Variants in FHIT observed in about 807,000 individuals in gnomAD.
The protein encoded by FHIT is fragile histidine triad diadenosine triphosphatase.
Under a neutral mutation model 17.9 loss-of-function variants are expected in FHIT, and 19 were observed. That is an observed-to-expected ratio of 1.06 (90% confidence interval 0.74 to 1.56). The LOEUF (loss-of-function observed/expected upper bound fraction) is 1.56, where lower values mean the gene tolerates loss of function less well. Ranked by LOEUF, FHIT falls within the 40% of genes most tolerant of loss-of-function variation. The pLI, the probability that FHIT is intolerant of heterozygous loss-of-function variation, is 0.00. For missense variants in FHIT, 248 were observed against 189.2 expected (o/e 1.31, Z -1.82); for synonymous variants, 81 against 69.7 (o/e 1.16, Z -0.81).
chr3:60,809,715 A>G (rs1553735521), intron 4 of FHIT, among the ~76,000 whole-genome samples: 4 of 152,168 alleles, frequency 2.6e-5, no homozygotes, highest in African/African-American at 9.7e-5. Flanking sequence ...AGAGTTTTTA[A>G]CCTTCTGAAA....
intron 4 of FHIT, among the ~76,000 whole-genome samples, chr3:60,608,983 TTAAA>T (rs1553672323): frequency 6.6e-6 from 1 of 151,238 alleles, no homozygotes; most frequent in African/African-American, 2.4e-5. Flanking sequence ...CAAATAAATA[TTAAA>T]TATATGAATG....
At chr3:60,829,472 T>G (rs1702241782) in intron 3 of FHIT, among the ~76,000 whole-genome samples, 1 of 152,186 alleles carries the variant, frequency 6.6e-6, no homozygotes, top group Admixed American at 6.5e-5. Context: ...TTCTCTTTCA[T>G]GATTAATTGT....
At chr3:59,775,932 A>G (rs931523239) in intron 8 of FHIT, among the ~76,000 whole-genome samples, 2 of 152,218 alleles carry the variant, frequency 1.3e-5, no homozygotes, top group African/African-American at 4.8e-5. Context: ...ACAGATGGAG[A>G]TAATGAAGCC....
At chr3:60,263,091 GA>G (rs1354273857) in intron 5 of FHIT, among the ~76,000 whole-genome samples, 1 of 151,574 alleles carries the variant, frequency 6.6e-6, no homozygotes. Context: ...ATAATTACAG[GA>G]AAAAAATGCT....
At chr3:60,005,449 G>A (rs9853625) in intron 7 of FHIT, among the ~76,000 whole-genome samples, 1,709 of 152,124 alleles carry the variant, frequency 0.011, 44 homozygotes, top group African/African-American at 0.039. Flanking sequence ...CAAATCACCA[G>A]GAGCGGGAGA....
intron 8 of FHIT, among the ~76,000 whole-genome samples, chr3:59,826,265 G>A (rs981072675): frequency 3.3e-5 from 5 of 152,030 alleles, no homozygotes; most frequent in Non-Finnish European, 5.9e-5. Context: ...CTACAGTTGC[G>A]CACCACCACG....
At chr3:61,140,292 C>T (rs1448324127) in intron 2 of FHIT, among the ~76,000 whole-genome samples, 2 of 152,038 alleles carry the variant, frequency 1.3e-5, no homozygotes, top group African/African-American at 2.4e-5. Context: ...GAGGAAAATG[C>T]ATTCAGTAAC....
chr3:60,213,438 G>A (rs781618770), intron 5 of FHIT, among the ~76,000 whole-genome samples: 14 of 152,114 alleles, frequency 9.2e-5, no homozygotes, highest in Non-Finnish European at 1.8e-4. Context: ...TGGAACAATC[G>A]CTGGGGCATA....
At chr3:61,030,532 A>C (rs1287651635) in intron 3 of FHIT, among the ~76,000 whole-genome samples, 1 of 152,254 alleles carries the variant, frequency 6.6e-6, no homozygotes, top group Non-Finnish European at 1.5e-5. Flanking sequence ...ATACATTTTA[A>C]TCATCACAGA....
At chr3:61,213,308 A>C (rs1207727838) in intron 1 of FHIT, among the ~76,000 whole-genome samples, 1 of 152,118 alleles carries the variant, frequency 6.6e-6, no homozygotes, top group African/African-American at 2.4e-5. Context: ...GGGATGGAGG[A>C]AGATCTACCC....
chr3:59,944,978 C>A (rs1559486726), intron 7 of FHIT, among the ~76,000 whole-genome samples: 1 of 152,174 alleles, frequency 6.6e-6, no homozygotes, highest in Non-Finnish European at 1.5e-5. Flanking sequence ...AAAACTACTG[C>A]AATGAATATG....
chr3:60,842,594 AATGAGTGTATATATATATACATATATAT>A (rs371281497), intron 3 of FHIT, among the ~76,000 whole-genome samples: 27 of 141,368 alleles, frequency 1.9e-4, no homozygotes, highest in African/African-American at 6.9e-4. Context: ...AGAGAAATTA[AATGAGTGTATATATATATACATATATAT>A]ATGAGTGTAT....
At chr3:60,560,168 T>A (rs151224441) in intron 4 of FHIT, among the ~76,000 whole-genome samples, 50 of 152,212 alleles carry the variant, frequency 3.3e-4, no homozygotes, top group African/African-American at 1.2e-3. Context: ...TCTTCCCTTA[T>A]CATGGCTATC....
intron 1 of FHIT, among the ~76,000 whole-genome samples, chr3:61,208,077 A>G (rs7612453): frequency 0.94 from 143,569 of 152,238 alleles, 67,756 homozygotes; most frequent in East Asian, 1. Context: ...TATGTACCCC[A>G]TAGTCACTCA....
At chr3:60,527,524 C>T (rs1225265689) in intron 5 of FHIT, among the ~76,000 whole-genome samples, 1 of 152,176 alleles carries the variant, frequency 6.6e-6, no homozygotes, top group Non-Finnish European at 1.5e-5. Context: ...CCCATTTTAT[C>T]TCAGAGCAAA....
chr3:60,650,148 T>A (rs1283670850), intron 4 of FHIT, among the ~76,000 whole-genome samples: 1 of 152,240 alleles, frequency 6.6e-6, no homozygotes, highest in African/African-American at 2.4e-5. Flanking sequence ...GGTACCTCTG[T>A]TGTCTCATTG....
intron 1 of FHIT, among the ~76,000 whole-genome samples, chr3:61,221,858 G>C (rs1203654211): frequency 1.3e-5 from 2 of 152,220 alleles, no homozygotes; most frequent in Non-Finnish European, 2.9e-5. Context: ...GAAGAGTGGG[G>C]TCCAACGTCC....
chr3:59,805,952 C>T (rs923098344), intron 8 of FHIT, among the ~76,000 whole-genome samples: 3 of 151,994 alleles, frequency 2.0e-5, no homozygotes, highest in Non-Finnish European at 4.4e-5. Context: ...GAGGCCGAGG[C>T]GGGCAGATCA....
intron 3 of FHIT, among the ~76,000 whole-genome samples, chr3:60,941,704 C>G (rs1411723544): frequency 1.3e-5 from 2 of 152,170 alleles, no homozygotes; most frequent in Non-Finnish European, 2.9e-5. Context: ...TATTCCATGG[C>G]AACCACTGAA....
Sources: allele counts gnomAD v4.1 joint callset (sites outside exome capture counted in the v4.1 genomes callset), GRCh38; gene constraint gnomAD v4.1.1; transcripts MANE v1.5; gene names NCBI Gene and HGNC (gene_info 2026-07-23, HGNC 2026-07-21).